KCNQ2: variants seen among roughly 807,000 people sequenced by gnomAD.
The protein encoded by KCNQ2 is potassium voltage-gated channel subfamily KQT member 2.
KCNQ2 carries 14 observed loss-of-function variants against 84.8 expected under a neutral mutation model. The ratio of observed to expected loss-of-function variants is 0.17; its 90% CI spans 0.11 to 0.26. KCNQ2 has a LOEUF of 0.26. Ranked by LOEUF, KCNQ2 falls within the 10% of genes least tolerant of loss-of-function variation. The pLI, the probability that KCNQ2 is intolerant of heterozygous loss-of-function variation, is 1.00. For missense variants in KCNQ2, 788 were observed against 1,254.0 expected (o/e 0.63, Z 5.61); for synonymous variants, 599 against 554.1 (o/e 1.08, Z -1.14).
At chr20:63,419,127 CTGT>C (rs960750887) in intron 12 of KCNQ2, among the ~76,000 whole-genome samples, 6 of 151,708 alleles carry the variant, frequency 4.0e-5, no homozygotes, top group African/African-American at 1.5e-4. Flanking sequence ...TAAACCAGGC[CTGT>C]TGTTGGGAGA....
At chr20:63,443,282 A>C (rs1432823509) in intron 4 of KCNQ2, among the ~76,000 whole-genome samples, 2 of 94,656 alleles carry the variant, frequency 2.1e-5, no homozygotes, top group African/African-American at 4.5e-5. Context: ...CACCATCACC[A>C]TCACCATCAT....
At position 63,430,023 on chromosome 20, in the gene KCNQ2, G is replaced by A. The variant is rs190199317; in HGVS notation, c.1148+1317C>T. On this transcript the variant is annotated intron_variant, in intron 9 of 16. Transcript: ENST00000359125. ...GGGCGCAGCAGAGCCCAGCCTGGCC[G>A]GAGTCTGTCTGGGGGCCACAGGTGG... Among the ~76,000 whole-genome samples, 33 of 152,284 alleles carry A rather than the reference G, an allele frequency of 2.2e-4. No individual in the cohort carries two copies. The East Asian group carries it at 5.8e-3, about 27-fold the overall frequency.
At chr20:63,445,707 A>ACCCTGTCAGAGCTGGGAGG in intron 2 of KCNQ2, 2 of 337,420 alleles carry the variant, frequency 5.9e-6, no homozygotes, top group Non-Finnish European at 1.1e-5. Context: ...GGGCTAGGGA[A>ACCCTGTCAGAGCTGGGAGG]CCCTGTCTGA....
In KCNQ2 at chr20:63,446,677, AAG is replaced by A; in HGVS notation, c.387+68_387+69del. ...AGAGGCCCTGTAGTAACAGGAACGGAAGACAGACGCCCAGGCAGCTCCAGCTC... is the reference window on the plus strand; with the variant it reads ...AGAGGCCCTGTAGTAACAGGAACGGAACAGACGCCCAGGCAGCTCCAGCTC... On this transcript the variant is annotated intron_variant, in intron 2 of 16. Coordinates refer to ENST00000359125, the MANE Select transcript of KCNQ2 (RefSeq NM_172107.4). The surrounding 1 kb of genome is among the most constrained non-coding windows in gnomAD (Gnocchi z 5.5). The A allele has an allele frequency of 7.6e-7, 1 of 1,320,550 alleles. No homozygotes were observed. The highest frequency in any genetic ancestry group is 1.1e-6 in the Non-Finnish European group (1 of 914,638). 81.8% of individuals were successfully genotyped at this position (1,320,550 alleles called of 1,614,324 possible).
intron 11 of KCNQ2, among the ~76,000 whole-genome samples, chr20:63,419,959 T>C (rs2145590000): frequency 6.6e-6 from 1 of 152,356 alleles, no homozygotes; most frequent in South Asian, 2.1e-4. Flanking sequence ...AGATGTATTA[T>C]TTTTTGCAGT....
chr20:63,455,166 G>C (rs945015180), intron 1 of KCNQ2, among the ~76,000 whole-genome samples: 2 of 152,174 alleles, frequency 1.3e-5, no homozygotes, highest in African/African-American at 4.8e-5. Flanking sequence ...CTGGGAGGAC[G>C]ATGGGAGGAC....
In KCNQ2 at chr20:63,424,219, G is replaced by A. The variant is rs1177200397; in HGVS notation, c.1218-13C>T. The A allele has an allele frequency of 1.9e-6, 3 of 1,553,810 alleles. No individual in the cohort carries two copies. The highest frequency in any genetic ancestry group is 1.4e-5 in the African/African-American group (1 of 73,450). ...CGGGGGGTCCTTCCTTCAAACAGAAGCAACAGAGAGTTAGTGGCCGCCCAC... is the reference window on the plus strand; with the variant it reads ...CGGGGGGTCCTTCCTTCAAACAGAAACAACAGAGAGTTAGTGGCCGCCCAC... On this transcript the variant is annotated splice_polypyrimidine_tract_variant and intron_variant, in intron 10 of 16. Coordinates refer to ENST00000359125, the MANE Select transcript of KCNQ2 (RefSeq NM_172107.4).
intron 12 of KCNQ2, among the ~76,000 whole-genome samples, chr20:63,417,020 C>T (rs1334962679): frequency 6.6e-6 from 1 of 152,172 alleles, no homozygotes; most frequent in Non-Finnish European, 1.5e-5. Flanking sequence ...CCCCGAGTCC[C>T]GAGGCGTCGC....
At chr20:63,434,839 C>T (rs1568918798) in intron 7 of KCNQ2, 1 of 152,276 alleles carries the variant, frequency 6.6e-6, no homozygotes. Flanking sequence ...CATTAATAGA[C>T]ATTTCAGCTG....
chr20:63,411,925 G>A (rs763967141), intron 15 of KCNQ2: 7 of 709,888 alleles, frequency 9.9e-6, no homozygotes, highest in Middle Eastern at 4.7e-4. Flanking sequence ...GAAACGCATC[G>A]TAAAGCCACA....
intron 1 of KCNQ2, among the ~76,000 whole-genome samples, chr20:63,458,338 G>A (rs376045195): frequency 8.6e-5 from 13 of 151,976 alleles, no homozygotes; most frequent in African/African-American, 2.2e-4. Flanking sequence ...CCTGGCCCTC[G>A]AGGCCGCTGC....
chr20:63,431,245 G>A (rs1161721348), intron 9 of KCNQ2, 95 bp downstream of exon 9: 1 of 1,391,536 alleles, frequency 7.2e-7, no homozygotes. Flanking sequence ...CAGACCGGGT[G>A]GGCCACGGGG....
At chr20:63,472,062 G>T in intron 1 of KCNQ2, 106 bp downstream of exon 1, 2 of 777,458 alleles carry the variant, frequency 2.6e-6, no homozygotes, top group South Asian at 2.1e-5. Flanking sequence ...CCAGACCCAG[G>T]GGCAGGGAGC....
chr20:63,418,388 G>A (rs987460744), intron 12 of KCNQ2, among the ~76,000 whole-genome samples: 6 of 152,216 alleles, frequency 3.9e-5, no homozygotes, highest in Admixed American at 6.5e-5. Context: ...TCAGATGTGC[G>A]GTGCCCGCAG....
chr20:63,408,373 G>T lies in KCNQ2; in HGVS notation c.1887+40C>A. On this transcript the variant is annotated intron_variant, in intron 16 of 16. Transcript: ENST00000359125. This position sits in a 1 kb window ranked among gnomAD's most constrained non-coding sequence, Gnocchi z 5.0. ...CCACAGGTTGACGGCAGGCACCACAGCCCTCCAGCCCCGCACCCCTCCCGC... is the reference window on the plus strand; with the variant it reads ...CCACAGGTTGACGGCAGGCACCACATCCCTCCAGCCCCGCACCCCTCCCGC... The T allele has an allele frequency of 6.2e-7, 1 of 1,600,036 alleles. No homozygotes were observed.
At chr20:63,455,159 G>A (rs2081744529) in intron 1 of KCNQ2, among the ~76,000 whole-genome samples, 1 of 152,186 alleles carries the variant, frequency 6.6e-6, no homozygotes, top group South Asian at 2.1e-4. Context: ...GAGGACGCTG[G>A]GAGGACGATG....
chr20:63,426,271 A>G (rs1010733610), intron 10 of KCNQ2, among the ~76,000 whole-genome samples: 2 of 152,142 alleles, frequency 1.3e-5, no homozygotes, highest in African/African-American at 2.4e-5. Context: ...CCCTCTGCAC[A>G]TCCTTCCCGA....
chr20:63,451,819 T>C (rs1378717113), intron 1 of KCNQ2, among the ~76,000 whole-genome samples: 10 of 152,184 alleles, frequency 6.6e-5, no homozygotes, highest in Admixed American at 6.5e-4. Flanking sequence ...GCCTGAGTCC[T>C]CTGGCCTGGG....
intron 11 of KCNQ2, among the ~76,000 whole-genome samples, 169 bp from the exon 12 acceptor site, chr20:63,419,841 C>T (rs1223153115): frequency 2.0e-5 from 3 of 152,036 alleles, no homozygotes; most frequent in South Asian, 2.1e-4. Flanking sequence ...CTCCACCGTC[C>T]GGAGAAGAAA....
Sources: gnomAD v4.1 joint callset for allele counts (sites outside exome capture counted in the v4.1 genomes callset) on GRCh38, gnomAD v4.1.1 for gene constraint, Gnocchi (gnomAD v3.1) non-coding constraint, MANE v1.5 for transcripts, NCBI Gene and HGNC (gene_info 2026-07-23, HGNC 2026-07-21) for gene names.